Variants in MYO10 observed in about 807,000 individuals in gnomAD.
MYO10 encodes myosin X, also known as unconventional myosin-X.
A neutral mutation model predicts 257.3 loss-of-function variants in MYO10; 133 were observed. The observed-to-expected ratio is 0.52, with a 90% CI of 0.45 to 0.60. The LOEUF is 0.60. MYO10 is among the 20% of genes least tolerant of loss of function. MYO10 has a pLI of 0.00. For missense variants in MYO10, 2,399 were observed against 2,635.7 expected, an observed-to-expected ratio of 0.91 and a Z score of 1.97; for synonymous variants, 1,104 against 1,028.6, an observed-to-expected ratio of 1.07 and a Z score of -1.40.
intron 19 of MYO10, among the ~76,000 whole-genome samples, chr5:16,723,813 C>G (rs1453396435): frequency 1.3e-5 from 2 of 152,162 alleles, no homozygotes; most frequent in African/African-American, 4.8e-5. Context: ...GCGGAGGAAC[C>G]TCAAGTGCAT....
intron 2 of MYO10, among the ~76,000 whole-genome samples, chr5:16,827,630 T>C (rs1195460241): frequency 6.6e-6 from 1 of 152,196 alleles, no homozygotes; most frequent in East Asian, 1.9e-4. Flanking sequence ...CTTTGTTAGA[T>C]AACTATGAAG....
At chr5:16,707,864 G>A (rs1000869821) in intron 21 of MYO10, among the ~76,000 whole-genome samples, 4 of 152,168 alleles carry the variant, frequency 2.6e-5, no homozygotes, top group African/African-American at 9.7e-5. Flanking sequence ...ATATGTTTTG[G>A]ATAAGTCAGC....
intron 3 of MYO10, among the ~76,000 whole-genome samples, chr5:16,795,442 A>G (rs1741910977): frequency 6.6e-6 from 1 of 152,090 alleles, no homozygotes; most frequent in Non-Finnish European, 1.5e-5. Flanking sequence ...CATCTCTACT[A>G]AAAATACAAA....
chr5:16,837,318 A>C (rs911622106), intron 2 of MYO10, among the ~76,000 whole-genome samples: 2 of 152,224 alleles, frequency 1.3e-5, no homozygotes, highest in Admixed American at 6.5e-5. Flanking sequence ...CTCAAAAGAA[A>C]AAAAAACATA....
chr5:16,924,830 C>CTTTTTT (rs35010705), intron 1 of MYO10, among the ~76,000 whole-genome samples: 4 of 124,370 alleles, frequency 3.2e-5, no homozygotes, highest in Non-Finnish European at 4.8e-5. Context: ...CACTTTATCA[C>CTTTTTT]TTTTTTTTTT....
intron 2 of MYO10, among the ~76,000 whole-genome samples, chr5:16,850,206 C>T (rs904301685): frequency 6.6e-6 from 1 of 152,300 alleles, no homozygotes; most frequent in African/African-American, 2.4e-5. Flanking sequence ...ATTCATTCTG[C>T]TATTCTTTAT....
At chr5:16,729,104 G>T (rs1010343725) in intron 19 of MYO10, among the ~76,000 whole-genome samples, 5 of 152,164 alleles carry the variant, frequency 3.3e-5, no homozygotes, top group Non-Finnish European at 7.4e-5. Context: ...TCTTTGAGAT[G>T]CATTGTTCTA....
In MYO10 at chr5:16,700,999, AC is replaced by A; in HGVS notation, c.3395del (p.Gly1132ValfsTer53). On this transcript the variant is annotated frameshift_variant, in exon 25 of 41. Transcript: ENST00000513610. LOFTEE classifies it high-confidence loss of function. ...CCCCCTCAGAGCTGAACCGGTAGGC[AC>A]CCGAGCTGTTGTAGGTCCCCACAGA... ...RCSVGTYNSS[G>X]AYRFSSEGAQ... The A allele has an allele frequency of 6.4e-7, 1 of 1,559,896 alleles. No individual in the cohort carries two copies.
chr5:16,769,488 C>A (rs1048853364), intron 9 of MYO10, among the ~76,000 whole-genome samples: 2 of 152,152 alleles, frequency 1.3e-5, no homozygotes, highest in East Asian at 3.8e-4. Context: ...GTGTGTGCCA[C>A]CATGCCTAGC....
chr5:16,782,981 A>G (rs1345454101), intron 5 of MYO10, among the ~76,000 whole-genome samples: 2 of 152,334 alleles, frequency 1.3e-5, no homozygotes, highest in East Asian at 3.9e-4. Flanking sequence ...CAAGGCCTCC[A>G]GAAAACTAGT....
intron 18 of MYO10, among the ~76,000 whole-genome samples, chr5:16,757,120 A>T (rs963493501): frequency 1.1e-3 from 94 of 87,486 alleles, no homozygotes; most frequent in Non-Finnish European, 1.3e-3. Context: ...CTCTGCCTTT[A>T]AAAAAAAAAA....
chr5:16,738,295 TC>T, intron 19 of MYO10: 1 of 985,338 alleles, frequency 1.0e-6, no homozygotes, highest in African/African-American at 1.7e-5. Context: ...GTTAGCAGTG[TC>T]CCAGGCCTGG....
intron 2 of MYO10, among the ~76,000 whole-genome samples, chr5:16,869,477 G>A (rs1030439720): frequency 6.6e-6 from 1 of 152,094 alleles, no homozygotes; most frequent in African/African-American, 2.4e-5. Context: ...TCAGGAGACT[G>A]AGACAGAAGG....
At position 16,681,982 on chromosome 5, in the gene MYO10, G is replaced by C; in HGVS notation, c.4078C>G (p.Arg1360Gly). 6.2e-7 allele frequency: 1 copy of C among 1,613,724 alleles called. No homozygotes were observed. Among genetic ancestry groups the C allele is most frequent in the Non-Finnish European group, 8.5e-7 (1 of 1,179,876 alleles). Residue 1360 changes from arginine (R) to glycine (G), a missense_variant, in exon 31 of 41, where the codon CGG becomes GGG. Arg to Gly is a moderately radical substitution (Grantham distance 125). Transcript: ENST00000513610. ...GTGTCGGCGTTGCAGTGCAGCACCC[G>C]GTTGGCCGTGATGATCACAAACGAG... ...PNSFVIITAN[R>G]VLHCNADTPE... is the part of the protein sequence containing the mutation.
chr5:16,671,599 C>T (rs969277460), intron 37 of MYO10, 57 bp from the exon 38 acceptor site: 3 of 1,603,218 alleles, frequency 1.9e-6, no homozygotes, highest in Non-Finnish European at 2.6e-6. Context: ...CTTCAGTGAC[C>T]CGCAGGGACC....
Position 16,703,093 on chromosome 5 carries a change from A to C in MYO10, c.2342T>G (p.Leu781Arg), listed in dbSNP as rs1738162628. Reference protein sequence around the residue: ...IIQKNYRAFLLRRRFLHLKKA... With the variant: ...IIQKNYRAFLRRRRFLHLKKA... ...TTTCAGGTGCAAAAATCTCCTCCTCAGAAGGAATGCTCTGTAATTCTTCTG... is the reference window on the plus strand; with the variant it reads ...TTTCAGGTGCAAAAATCTCCTCCTCCGAAGGAATGCTCTGTAATTCTTCTG... The change falls in exon 23 of 41, where the codon CTG becomes CGG. Residue 781 changes from leucine to arginine, a missense_variant. Around this residue, in one of 3 missense-constraint regions of MYO10, gnomAD observed 1,820 missense variants for 1,939.4 expected, o/e 0.94. Transcript: ENST00000513610. 2 of 1,584,098 alleles carry C rather than the reference A, an allele frequency of 1.3e-6. No homozygotes were observed. The highest frequency in any genetic ancestry group is 1.8e-5 in the Admixed American group (1 of 55,322).
At chr5:16,823,349 G>GCATGAGAAT (rs1392297179) in intron 2 of MYO10, among the ~76,000 whole-genome samples, 101 of 141,664 alleles carry the variant, frequency 7.1e-4, no homozygotes, top group South Asian at 3.0e-3. Flanking sequence ...AGAGGCTGAG[G>GCATGAGAAT]CATGAGAATC....
chr5:16,673,349 A>C (rs112566069), intron 36 of MYO10, among the ~76,000 whole-genome samples: 1 of 149,626 alleles, frequency 6.7e-6, no homozygotes, highest in Non-Finnish European at 1.5e-5. Flanking sequence ...CGTGCAAACA[A>C]ACACTTTGTT....
chr5:16,845,103 T>C (rs1743594694), intron 2 of MYO10, among the ~76,000 whole-genome samples: 1 of 152,068 alleles, frequency 6.6e-6, no homozygotes, highest in Non-Finnish European at 1.5e-5. Flanking sequence ...TGAGAACAAT[T>C]TAAAAGTGCT....
Sources: gnomAD v4.1 joint callset for allele counts (sites outside exome capture counted in the v4.1 genomes callset) on GRCh38, gnomAD v4.1.1 for gene constraint, gnomAD v4.1.1 regional missense constraint, MANE v1.5 for transcripts, NCBI Gene and HGNC (gene_info 2026-07-23, HGNC 2026-07-21) for gene names.